Variants in CPEB1 observed in about 807,000 individuals in gnomAD.
CPEB1 encodes cytoplasmic polyadenylation element-binding protein 1.
CPEB1 carries 7 observed loss-of-function variants against 65.8 expected under a neutral mutation model. The observed-to-expected ratio is 0.11, with a 90% CI of 0.06 to 0.20. The LOEUF is 0.20. Among genes scored for constraint, CPEB1 ranks in the 10% least tolerant of loss-of-function variants. The probability of loss-of-function intolerance (pLI) is 1.00; values close to 1 mark genes in which losing one functional copy is unlikely to be tolerated. For missense variants in CPEB1, 551 were observed against 712.2 expected, an observed-to-expected ratio of 0.77 and a Z score of 2.58; for synonymous variants, 262 against 260.0, an observed-to-expected ratio of 1.01 and a Z score of -0.08.
At chr15:82,645,970 A>G (rs768473159) in intron 1 of CPEB1, among the ~76,000 whole-genome samples, 26 of 152,068 alleles carry the variant, frequency 1.7e-4, no homozygotes, top group Non-Finnish European at 3.2e-4. Flanking sequence ...CTCAATGGGG[A>G]CAAATAAAAG....
intron 3 of CPEB1, among the ~76,000 whole-genome samples, chr15:82,576,117 T>C (rs922851898): frequency 2.0e-5 from 3 of 152,190 alleles, no homozygotes; most frequent in Non-Finnish European, 4.4e-5. Context: ...TACATGCATA[T>C]ACCATACTAT....
chr15:82,589,564 T>TGAAACCCTGTCTCTACCGGCC (rs1301651525), intron 3 of CPEB1, among the ~76,000 whole-genome samples: 8 of 152,030 alleles, frequency 5.3e-5, no homozygotes, highest in Non-Finnish European at 1.0e-4. Flanking sequence ...GCCAACATGG[T>TGAAACCCTGTCTCTACCGGCC]GAAACCCTGT....
At chr15:82,599,846 G>C (rs1356722294) in intron 3 of CPEB1, among the ~76,000 whole-genome samples, 1 of 152,124 alleles carries the variant, frequency 6.6e-6, no homozygotes, top group East Asian at 1.9e-4. Flanking sequence ...ACAGCCAAAT[G>C]AGGTACAATA....
rs2150921239 is a variant in CPEB1 at position 82,547,167 on chromosome 15, G to T, written c.1551C>A (p.Ile517=). The T allele has an allele frequency of 6.2e-7, 1 of 1,612,870 alleles. No homozygotes were observed. Among genetic ancestry groups the T allele is most frequent in the East Asian group, 2.2e-5 (1 of 44,856 alleles). The part of the protein sequence containing the change: ...LKAVSAAFVE[I]KTTKFTKKVQ... ...CCTTCTTTGTGAACTTGGTGGTTTT[G>T]ATCTCCACAAAAGCAGCGCTGACTG... The change falls in exon 11 of 13, where the codon ATC becomes ATA. Residue 517 remains isoleucine, a synonymous_variant. Transcript: ENST00000684509.
chr15:82,642,601 C>T (rs775194858), intron 1 of CPEB1, among the ~76,000 whole-genome samples: 1 of 152,144 alleles, frequency 6.6e-6, no homozygotes, highest in Non-Finnish European at 1.5e-5. Context: ...GTAAAGGGTG[C>T]AATCAGTGCT....
upstream of CPEB1, chr15:82,647,807 C>T (rs1477926336): frequency 1.6e-6 from 2 of 1,280,052 alleles, no homozygotes; most frequent in Non-Finnish European, 2.0e-6. Flanking sequence ...CCGTTAGCTA[C>T]TGCGGCCGGG....
At chr15:82,628,935 G>GT (rs1487665777) in intron 1 of CPEB1, 2 of 158,480 alleles carry the variant, frequency 1.3e-5, no homozygotes, top group Admixed American at 1.2e-4. Context: ...TATGTTATCG[G>GT]TAAGGCTTCC....
intron 3 of CPEB1, among the ~76,000 whole-genome samples, chr15:82,605,930 C>T (rs548160983): frequency 1.3e-5 from 2 of 151,874 alleles, no homozygotes; most frequent in Admixed American, 6.6e-5. Context: ...CCCCGTTACC[C>T]GGGAGGCTGG....
In CPEB1 at chr15:82,627,251, C is replaced by A. The variant is rs1374350692; in HGVS notation, c.213G>T (p.Leu71=). 4.3e-6 allele frequency: 7 copies of A among 1,613,712 alleles called. No homozygotes were observed. The Admixed American group carries it at 1.0e-4, about 23-fold the overall frequency. The stretch of plus-strand genomic sequence containing the variant: ...GTGTAGTGCAGACTCTACTGAAATC[C>A]AGAGAATTATCCAATATGGCATTTA... ...RRINAILDNS[L]DFSRVCTTPI... The change falls in exon 3 of 13, where the codon CTG becomes CTT. Residue 71 remains leucine (L), a synonymous_variant. Transcript: ENST00000684509.
intron 9 of CPEB1, 52 bp downstream of exon 9, chr15:82,552,428 T>TGC: frequency 1.3e-6 from 2 of 1,488,238 alleles, no homozygotes; most frequent in Non-Finnish European, 1.8e-6. Context: ...GAAAATCCAG[T>TGC]GCCTCAATAT....
At chr15:82,636,112 A>G (rs2046637824) in intron 1 of CPEB1, among the ~76,000 whole-genome samples, 2 of 152,100 alleles carry the variant, frequency 1.3e-5, no homozygotes, top group South Asian at 4.1e-4. Flanking sequence ...AGACTCTTTC[A>G]CCTTAAAAAA....
At chr15:82,613,805 C>T (rs959074318) in intron 3 of CPEB1, among the ~76,000 whole-genome samples, 3 of 152,100 alleles carry the variant, frequency 2.0e-5, no homozygotes, top group Non-Finnish European at 2.9e-5. Context: ...AAACAAGCTC[C>T]CCCCGGGGAG....
At chr15:82,571,136 G>A (rs1689790642) in intron 4 of CPEB1, among the ~76,000 whole-genome samples, 1 of 152,190 alleles carries the variant, frequency 6.6e-6, no homozygotes, top group Non-Finnish European at 1.5e-5. Flanking sequence ...CAGGGTAAGT[G>A]GAAGAGCCAT....
intron 3 of CPEB1, among the ~76,000 whole-genome samples, chr15:82,576,245 C>T (rs1002264029): frequency 2.0e-5 from 3 of 151,950 alleles, no homozygotes; most frequent in Admixed American, 6.6e-5. Context: ...TTAGAGCAGA[C>T]AAAACTAATA....
chr15:82,610,981 A>AAAAAAAAAG (rs1567220262), intron 3 of CPEB1, among the ~76,000 whole-genome samples: 10 of 135,186 alleles, frequency 7.4e-5, no homozygotes, highest in Non-Finnish European at 9.3e-5. Flanking sequence ...AAAAAAAAAA[A>AAAAAAAAAG]AAAAAAAGAA....
intron 1 of CPEB1, chr15:82,629,945 C>T (rs2046099923): frequency 1.3e-5 from 13 of 985,244 alleles, no homozygotes; most frequent in African/African-American, 1.7e-5. Flanking sequence ...TGAAGACGAC[C>T]AAAATACACA....
In CPEB1 at chr15:82,544,544, G is replaced by T; in HGVS notation, c.*48C>A. On this transcript the variant is annotated 3_prime_UTR_variant, in exon 13 of 13. Coordinates refer to ENST00000684509, the MANE Select transcript of CPEB1 (RefSeq NM_001365242.1). Reference sequence around the variant, plus strand: ...GCAGGGTGGTGCAGGCTGCTTGCCTGACCTGCCAGCTTTGGGCGCCACAGG... The same window carrying T: ...GCAGGGTGGTGCAGGCTGCTTGCCTTACCTGCCAGCTTTGGGCGCCACAGG... 1 of 1,471,644 alleles carries T rather than the reference G, an allele frequency of 6.8e-7. No homozygotes were observed. Among genetic ancestry groups the T allele is most frequent in the Non-Finnish European group, 9.4e-7 (1 of 1,062,598 alleles). 91.2% of individuals were successfully genotyped at this position (1,471,644 alleles called of 1,614,324 possible).
chr15:82,549,865 C>T (rs1267237227), intron 9 of CPEB1, among the ~76,000 whole-genome samples: 3 of 152,152 alleles, frequency 2.0e-5, no homozygotes, highest in Non-Finnish European at 2.9e-5. Context: ...TTACTGAGTC[C>T]ATGTGTCCAG....
chr15:82,630,359 A>G (rs1181544071), intron 1 of CPEB1, among the ~76,000 whole-genome samples: 2 of 152,230 alleles, frequency 1.3e-5, no homozygotes, highest in African/African-American at 2.4e-5. Context: ...AAACCAAAAT[A>G]AAGTTTTGAA....
Sources: allele counts gnomAD v4.1 joint callset (sites outside exome capture counted in the v4.1 genomes callset), GRCh38; gene constraint gnomAD v4.1.1; transcripts MANE v1.5; gene names NCBI Gene and HGNC (gene_info 2026-07-23, HGNC 2026-07-21).